The following DTD1 variants were observed in gnomAD, a reference collection of about 807,000 sequenced individuals.
The protein encoded by DTD1 is D-aminoacyl-tRNA deacylase 1.
DTD1 carries 13 observed loss-of-function variants against 25.6 expected under a neutral mutation model. The ratio of observed to expected loss-of-function variants is 0.51; its 90% CI spans 0.33 to 0.81. The LOEUF is 0.81. DTD1 is among the 30% of genes least tolerant of loss of function. DTD1 has a pLI of 0.02. For missense variants in DTD1, 193 were observed against 266.4 expected, an observed-to-expected ratio of 0.72 and a Z score of 1.92; for synonymous variants, 110 against 103.6, an observed-to-expected ratio of 1.06 and a Z score of -0.37.
At chr20:18,662,927 T>C (rs2060917054) in intron 4 of DTD1, among the ~76,000 whole-genome samples, 1 of 152,082 alleles carries the variant, frequency 6.6e-6, no homozygotes, top group African/African-American at 2.4e-5. Context: ...GCAAAGTCAT[T>C]TATATTGCTT....
At chr20:18,706,085 G>A (rs2122467294) in intron 4 of DTD1, among the ~76,000 whole-genome samples, 1 of 152,344 alleles carries the variant, frequency 6.6e-6, no homozygotes, top group East Asian at 1.9e-4. Flanking sequence ...CAGCAGTTGT[G>A]TGGTTTGTTG....
chr20:18,596,871 A>G (rs1434703254), intron 3 of DTD1, among the ~76,000 whole-genome samples: 1 of 152,048 alleles, frequency 6.6e-6, no homozygotes, highest in Non-Finnish European at 1.5e-5. Context: ...ATCCACCACT[A>G]GAGTGGTGCA....
At chr20:18,626,161 T>C (rs1372306706) in intron 3 of DTD1, among the ~76,000 whole-genome samples, 3 of 152,252 alleles carry the variant, frequency 2.0e-5, no homozygotes, top group Non-Finnish European at 4.4e-5. Context: ...ACACTCACTG[T>C]GCTGGGCTGT....
chr20:18,672,308 G>C (rs762635247), intron 4 of DTD1, among the ~76,000 whole-genome samples: 1 of 152,158 alleles, frequency 6.6e-6, no homozygotes, highest in Non-Finnish European at 1.5e-5. Flanking sequence ...AACCTGTTTA[G>C]AGATAGCTTA....
intron 3 of DTD1, among the ~76,000 whole-genome samples, chr20:18,627,305 T>C (rs1223573414): frequency 6.6e-6 from 1 of 152,192 alleles, no homozygotes; most frequent in African/African-American, 2.4e-5. Context: ...CAGAGACTCA[T>C]GGAGGTCACC....
At chr20:18,615,979 C>T (rs2060707442) in intron 3 of DTD1, among the ~76,000 whole-genome samples, 2 of 152,210 alleles carry the variant, frequency 1.3e-5, no homozygotes, top group Admixed American at 1.3e-4. Flanking sequence ...ACTCTGTTTA[C>T]TATTTAAAGC....
intron 5 of DTD1, among the ~76,000 whole-genome samples, chr20:18,756,116 T>G (rs530242738): frequency 6.6e-6 from 1 of 152,180 alleles, no homozygotes; most frequent in South Asian, 2.1e-4. Flanking sequence ...TTTGATGGGG[T>G]TGTTTGTTTT....
intron 4 of DTD1, among the ~76,000 whole-genome samples, chr20:18,683,911 C>T (rs2061006698): frequency 6.6e-6 from 1 of 152,184 alleles, no homozygotes; most frequent in Non-Finnish European, 1.5e-5. Flanking sequence ...GCCCTGACCT[C>T]TTGTAACTAT....
chr20:18,760,987 C>G (rs565230941), intron 5 of DTD1, among the ~76,000 whole-genome samples: 1 of 152,334 alleles, frequency 6.6e-6, no homozygotes, highest in East Asian at 1.9e-4. Context: ...TCTCAGACTG[C>G]TGTGCTAGCA....
rs139898819 is a variant in DTD1, at chr20:18,738,036, G to A, written c.478-6064G>A. ...AAGTGCTTAGAGCAGGCCTGGCTTCGTGTGAGTGGGGATTGCCAATTATTT... is the reference window on the plus strand; with the variant it reads ...AAGTGCTTAGAGCAGGCCTGGCTTCATGTGAGTGGGGATTGCCAATTATTT... On this transcript the variant is annotated intron_variant, in intron 4 of 5. Coordinates refer to ENST00000377452, the MANE Select transcript of DTD1 (RefSeq NM_080820.6). Among the ~76,000 whole-genome samples the A allele has an allele frequency of 1.8e-4, 28 of 152,326 alleles. No individual in the cohort carries two copies. In the East Asian group the frequency reaches 3.7e-3, roughly 20 times the overall value.
At chr20:18,719,270 T>TG (rs397735280) in intron 4 of DTD1, among the ~76,000 whole-genome samples, 5 of 151,910 alleles carry the variant, frequency 3.3e-5, no homozygotes, top group South Asian at 2.1e-4. Context: ...TGTGTGTGTG[T>TG]TTGTGTATCT....
chr20:18,695,892 G>A (rs936503649), intron 4 of DTD1, among the ~76,000 whole-genome samples: 1 of 151,900 alleles, frequency 6.6e-6, no homozygotes, highest in Admixed American at 6.6e-5. Flanking sequence ...TGCCCAAGCT[G>A]GCCATGGATT....
At chr20:18,707,363 C>A (rs1368796121) in intron 4 of DTD1, among the ~76,000 whole-genome samples, 1 of 152,100 alleles carries the variant, frequency 6.6e-6, no homozygotes, top group African/African-American at 2.4e-5. Flanking sequence ...GTAAAGCAAC[C>A]CTGGACGGAC....
At chr20:18,687,330 T>G (rs1179616278) in intron 4 of DTD1, among the ~76,000 whole-genome samples, 1 of 151,968 alleles carries the variant, frequency 6.6e-6, no homozygotes, top group African/African-American at 2.4e-5. Context: ...TGAGGGGGTG[T>G]CAGGACCAGG....
At chr20:18,682,271 T>A (rs2061001042) in intron 4 of DTD1, among the ~76,000 whole-genome samples, 1 of 152,218 alleles carries the variant, frequency 6.6e-6, no homozygotes, top group South Asian at 2.1e-4. Context: ...AGGCCACTAC[T>A]CTGAGGGTGA....
intron 4 of DTD1, among the ~76,000 whole-genome samples, chr20:18,700,067 C>T (rs908829733): frequency 1.3e-5 from 2 of 152,182 alleles, no homozygotes; most frequent in Non-Finnish European, 2.9e-5. Flanking sequence ...GTGTCTCAGC[C>T]TCCTCCAGTC....
At chr20:18,606,787 G>A (rs1268826056) in intron 3 of DTD1, among the ~76,000 whole-genome samples, 3 of 121,684 alleles carry the variant, frequency 2.5e-5, no homozygotes, top group East Asian at 2.9e-4. Flanking sequence ...GTGGGGGGGG[G>A]GAGGGGGGAG....
chr20:18,697,197 A>G (rs1382959695), intron 4 of DTD1, among the ~76,000 whole-genome samples: 1 of 151,250 alleles, frequency 6.6e-6, no homozygotes, highest in Non-Finnish European at 1.5e-5. Context: ...CCGCCACTGC[A>G]CTCCAGTCTG....
Position 18,700,489 on chromosome 20 carries a change from T to C in DTD1, c.478-43611T>C, listed in dbSNP as rs774874328. Among the ~76,000 whole-genome samples the C allele has an allele frequency of 5.1e-4, 71 of 140,402 alleles. 1 individual carries two copies. The highest frequency in any genetic ancestry group is 2.1e-3 in the Admixed American group (29 of 14,138). The allele number at this position is 140,402 out of a possible 152,430, so 92.1% of individuals were successfully genotyped here. A position where few individuals can be genotyped will look rare whatever the true frequency, so the allele number is the denominator to read the frequency against. On this transcript the variant is annotated intron_variant, in intron 4 of 5. Coordinates refer to ENST00000377452, the MANE Select transcript of DTD1 (RefSeq NM_080820.6). Reference sequence around the variant, plus strand: ...GAAAAATTTCCTGTGCAAATAGTGGTGACCTTTTTTTTTTTTTAATTTTTG... The same window carrying C: ...GAAAAATTTCCTGTGCAAATAGTGGCGACCTTTTTTTTTTTTTAATTTTTG...
Sources: allele counts gnomAD v4.1 joint callset (sites outside exome capture counted in the v4.1 genomes callset), GRCh38; gene constraint gnomAD v4.1.1; transcripts MANE v1.5; gene names NCBI Gene and HGNC (gene_info 2026-07-23, HGNC 2026-07-21).